The following FAR2 variants were observed in gnomAD, a reference collection of about 807,000 sequenced individuals.
The protein encoded by FAR2 is epididymis secretory protein Li 81.
In FAR2, 19 loss-of-function variants were observed where a neutral mutation model predicts 56.0. That is an observed-to-expected ratio of 0.34 (90% confidence interval 0.24 to 0.50). The LOEUF (loss-of-function observed/expected upper bound fraction) is 0.50. Ranked by LOEUF, FAR2 falls within the 20% of genes least tolerant of loss-of-function variation. FAR2 has a pLI of 0.98. For synonymous variants in FAR2, 219 were observed against 218.8 expected, an observed-to-expected ratio of 1.00 and a Z score of -0.01; for missense variants, 508 against 642.2, an observed-to-expected ratio of 0.79 and a Z score of 2.26.
chr12:29,281,979 T>C (rs368012781), intron 2 of FAR2, among the ~76,000 whole-genome samples: 3 of 152,306 alleles, frequency 2.0e-5, no homozygotes, highest in African/African-American at 7.2e-5. Flanking sequence ...CACTGAGTCT[T>C]AAATTAGGAA....
intron 6 of FAR2, 50 bp downstream of exon 6, chr12:29,309,280 G>C (rs774398624): frequency 7.1e-7 from 1 of 1,414,962 alleles, no homozygotes; most frequent in Non-Finnish European, 9.9e-7. Flanking sequence ...TAGAGAAATA[G>C]TAACAAAATT....
intron 1 of FAR2, among the ~76,000 whole-genome samples, chr12:29,267,747 G>C (rs1470917513): frequency 1.3e-5 from 2 of 152,198 alleles, no homozygotes; most frequent in Non-Finnish European, 2.9e-5. Context: ...AACAAAGGGA[G>C]CTCAAACAGT....
At chr12:29,253,220 G>T (rs10771504) in intron 1 of FAR2, among the ~76,000 whole-genome samples, 509 of 50,332 alleles carry the variant, frequency 0.01, 14 homozygotes, top group East Asian at 0.018. Flanking sequence ...TCTATATATC[G>T]ATATCTATCT....
chr12:29,186,163 T>C (rs182571927), intron 1 of FAR2, among the ~76,000 whole-genome samples: 3 of 152,362 alleles, frequency 2.0e-5, no homozygotes, highest in Admixed American at 2.0e-4. Flanking sequence ...AAATTATTAA[T>C]GAGATATTTT....
At chr12:29,299,012 G>A (rs564116644) in intron 4 of FAR2, among the ~76,000 whole-genome samples, 2 of 152,008 alleles carry the variant, frequency 1.3e-5, no homozygotes, top group East Asian at 1.9e-4. Context: ...TCAGGAGTTC[G>A]AGACCAGCCT....
intron 1 of FAR2, among the ~76,000 whole-genome samples, chr12:29,154,906 A>T (rs1949714086): frequency 6.6e-6 from 1 of 152,190 alleles, no homozygotes; most frequent in African/African-American, 2.4e-5. Flanking sequence ...ATGCTGTCCT[A>T]TATTAATAGA....
intron 1 of FAR2, among the ~76,000 whole-genome samples, chr12:29,197,256 TC>T (rs1950151428): frequency 6.6e-6 from 1 of 152,216 alleles, no homozygotes; most frequent in Non-Finnish European, 1.5e-5. Context: ...CTGGCTATGT[TC>T]ATTTAGAGTT....
chr12:29,233,598 G>A (rs554820317), intron 1 of FAR2, among the ~76,000 whole-genome samples: 5 of 152,158 alleles, frequency 3.3e-5, no homozygotes, highest in Non-Finnish European at 7.3e-5. Flanking sequence ...TCGTGTCATA[G>A]GTTAATGCTT....
At chr12:29,213,291 A>AC (rs373393128) in intron 1 of FAR2, among the ~76,000 whole-genome samples, 165 of 152,204 alleles carry the variant, frequency 1.1e-3, no homozygotes, top group African/African-American at 3.9e-3. Context: ...GGTAAAACCT[A>AC]CACAAATTCA....
At chr12:29,187,962 G>C (rs2136604177) in intron 1 of FAR2, among the ~76,000 whole-genome samples, 1 of 152,244 alleles carries the variant, frequency 6.6e-6, no homozygotes, top group African/African-American at 2.4e-5. Context: ...GGCTGGACTT[G>C]GCACATGGAC....
At chr12:29,265,404 G>T (rs542634735) in intron 1 of FAR2, among the ~76,000 whole-genome samples, 2 of 152,208 alleles carry the variant, frequency 1.3e-5, no homozygotes, top group East Asian at 3.9e-4. Flanking sequence ...TTTGGCAAAG[G>T]TGCCGAGAAC....
intron 10 of FAR2, among the ~76,000 whole-genome samples, chr12:29,324,905 A>C (rs901372848): frequency 6.6e-6 from 1 of 152,182 alleles, no homozygotes; most frequent in Non-Finnish European, 1.5e-5. Context: ...AACAATACTA[A>C]CCTTAAATGT....
At chr12:29,178,183 TAAA>T (rs11325990) in intron 1 of FAR2, among the ~76,000 whole-genome samples, 2 of 148,386 alleles carry the variant, frequency 1.3e-5, no homozygotes, top group African/African-American at 2.5e-5. Context: ...ATTATAACAA[TAAA>T]AAAAAAAAAA....
intron 1 of FAR2, among the ~76,000 whole-genome samples, chr12:29,182,728 A>T (rs1950003072): frequency 6.6e-6 from 1 of 152,122 alleles, no homozygotes. Context: ...CCAAGAGTGG[A>T]TGGATAAATG....
At chr12:29,256,200 T>A (rs573883932) in intron 1 of FAR2, among the ~76,000 whole-genome samples, 9 of 151,924 alleles carry the variant, frequency 5.9e-5, no homozygotes, top group Non-Finnish European at 1.2e-4. Context: ...TTATTGTTTT[T>A]TTTAAAACAT....
intron 1 of FAR2, among the ~76,000 whole-genome samples, chr12:29,179,851 G>A (rs181116782): frequency 1.4e-4 from 22 of 152,142 alleles, no homozygotes; most frequent in Admixed American, 4.6e-4. Context: ...AATAATATGG[G>A]CCATTTTCTC....
chr12:29,157,106 T>TTATATATAAA (rs1949734436), intron 1 of FAR2: 1 of 73,458 alleles, frequency 1.4e-5, no homozygotes, highest in Non-Finnish European at 2.5e-5. Context: ...AAAGAACATT[T>TTATATATAAA]TATATATATA....
intron 1 of FAR2, among the ~76,000 whole-genome samples, chr12:29,186,890 G>A (rs34941964): frequency 0.039 from 5,898 of 152,092 alleles, 334 homozygotes; most frequent in African/African-American, 0.13. Flanking sequence ...CCGGGTTCAC[G>A]CCATTCTCCT....
chr12:29,265,064 G>A (rs1948491362), intron 1 of FAR2, among the ~76,000 whole-genome samples: 1 of 152,180 alleles, frequency 6.6e-6, no homozygotes, highest in Non-Finnish European at 1.5e-5. Context: ...ATGTTCATGT[G>A]TTGGAAGAGT....
Sources: gnomAD v4.1 joint callset for allele counts (sites outside exome capture counted in the v4.1 genomes callset) on GRCh38, gnomAD v4.1.1 for gene constraint, MANE v1.5 for transcripts, NCBI Gene and HGNC (gene_info 2026-07-23, HGNC 2026-07-21) for gene names.